Variants in SNX17 observed in about 807,000 individuals in gnomAD.
The protein encoded by SNX17 is sorting nexin 17.
A neutral mutation model predicts 64.3 loss-of-function variants in SNX17; 35 were observed. The observed-to-expected ratio is 0.54, with a 90% CI of 0.42 to 0.72. The LOEUF is 0.72. SNX17 is among the 30% of genes least tolerant of loss of function. The pLI is 0.00. For synonymous variants in SNX17, 259 were observed against 230.2 expected (o/e 1.13, Z -1.13); for missense variants, 538 against 610.0 (o/e 0.88, Z 1.24).
At position 27,376,100 on chromosome 2, in the gene SNX17, C is replaced by T. The variant is rs371262646; in HGVS notation, c.1105-6C>T. On this transcript the variant is annotated splice_region_variant and splice_polypyrimidine_tract_variant and intron_variant, in intron 11 of 14. Coordinates refer to ENST00000233575, the MANE Select transcript of SNX17 (RefSeq NM_014748.4). The stretch of plus-strand genomic sequence containing the variant: ...TCATCAAGCTGGACACTCTTCTTGC[C>T]CTCAGGCTATCATGATGAGCATCTG... The T allele has an allele frequency of 1.2e-6, 2 of 1,614,124 alleles. No homozygotes were observed. The highest frequency in any genetic ancestry group is 1.1e-5 in the South Asian group (1 of 91,078).
At chr2:27,372,087 T>TAGAG (rs1390797435) in intron 2 of SNX17, among the ~76,000 whole-genome samples, 10 of 152,184 alleles carry the variant, frequency 6.6e-5, no homozygotes, top group African/African-American at 2.2e-4. Flanking sequence ...TTTCACTATG[T>TAGAG]TGGCCAGGCT....
At chr2:27,376,281 T>C in intron 12 of SNX17, 32 bp from the exon 13 acceptor site, 1 of 1,611,894 alleles carries the variant, frequency 6.2e-7, no homozygotes, top group Non-Finnish European at 8.5e-7. Flanking sequence ...GAAGTGATCC[T>C]GCCCTCACCG....
chr2:27,373,598 G>A (rs1488767475), intron 4 of SNX17, among the ~76,000 whole-genome samples: 1 of 152,168 alleles, frequency 6.6e-6, no homozygotes, highest in Admixed American at 6.5e-5. Context: ...CCTGACCTCA[G>A]GTGATCCACC....
At chr2:27,372,094 GGCT>G (rs1302157152) in intron 2 of SNX17, among the ~76,000 whole-genome samples, 10 of 152,188 alleles carry the variant, frequency 6.6e-5, no homozygotes, top group African/African-American at 2.2e-4. Context: ...ATGTTGGCCA[GGCT>G]GGTCTCAAAC....
intron 7 of SNX17, 108 bp downstream of exon 7, chr2:27,374,541 T>C: frequency 3.2e-6 from 4 of 1,262,818 alleles, no homozygotes; most frequent in Non-Finnish European, 4.6e-6. Context: ...TAGTGCTGGG[T>C]GTTTCTGCCA....
Position 27,373,909 on chromosome 2 carries a change from A to G in SNX17, c.370A>G (p.Ser124Gly), listed in dbSNP as rs1370010594. ...TEEVSLEVLL[S>G]NGQKVLVNVL... The stretch of plus-strand genomic sequence containing the variant: ...GGAAGTGTCCTTGGAAGTGCTGCTC[A>G]GCAACGGGCAGAAAGTTCTGGTCAA... Residue 124 changes from serine to glycine, a missense_variant, in exon 5 of 15, where the codon AGC (serine) becomes GGC (glycine). Physicochemically the swap from Ser to Gly is moderately conservative, Grantham distance 56. Transcript: ENST00000233575. 7 of 1,614,054 alleles carry G rather than the reference A, an allele frequency of 4.3e-6. No homozygotes were observed. The highest frequency in any genetic ancestry group is 2.7e-5 in the African/African-American group (2 of 74,942).
At chr2:27,374,660 T>C (rs768130868) in intron 7 of SNX17, 29 bp from the exon 8 acceptor site, 1 of 1,609,712 alleles carries the variant, frequency 6.2e-7, no homozygotes, top group Admixed American at 1.7e-5. Flanking sequence ...CTTAGCCCCA[T>C]TACCCCTTTC....
Position 27,375,289 on chromosome 2 carries a change from C to A in SNX17, c.774+136C>A. The A allele has an allele frequency of 1.1e-6, 1 of 901,634 alleles. No individual in the cohort carries two copies. The highest frequency in any genetic ancestry group is 1.7e-6 in the Non-Finnish European group (1 of 591,136). The allele number at this position is 901,634 out of a possible 1,614,324, so 55.9% of individuals were successfully genotyped here. A position where few individuals can be genotyped will look rare whatever the true frequency, so the allele number is the denominator to read the frequency against. ...GAGTAGCTGGGACTACAGGCACCCG[C>A]CACGACGCCCGGCTAATTTTTTGTA... On this transcript the variant is annotated intron_variant, in intron 9 of 14. Transcript: ENST00000233575. The surrounding 1 kb of genome is among the most constrained non-coding windows in gnomAD (Gnocchi z 4.1).
intron 2 of SNX17, among the ~76,000 whole-genome samples, chr2:27,372,088 T>A (rs917164294): frequency 6.6e-5 from 10 of 152,180 alleles, no homozygotes; most frequent in African/African-American, 2.2e-4. Flanking sequence ...TTCACTATGT[T>A]GGCCAGGCTG....
chr2:27,370,855 G>C (rs561712098), intron 1 of SNX17, 49 bp downstream of exon 1: 1 of 1,521,256 alleles, frequency 6.6e-7, no homozygotes, highest in Non-Finnish European at 8.8e-7. Flanking sequence ...CGGGGATAAC[G>C]GGCCCGAGCC....
rs1683315784 is a variant in SNX17 at position 27,376,989 on chromosome 2, GC to G, written c.*272del. The G allele has an allele frequency of 2.1e-6, 1 of 474,568 alleles. No individual in the cohort carries two copies. Among genetic ancestry groups the G allele is most frequent in the South Asian group, 2.2e-5 (1 of 45,884 alleles). 29.4% of individuals were successfully genotyped at this position (474,568 alleles called of 1,614,324 possible). A position where few individuals can be genotyped will look rare whatever the true frequency, so the allele number is the denominator to read the frequency against. ...AAAGTCTAAGGGACCATGGCTGCCT[GC>G]CTTGGGGAGGAACCATATCTCCCTC... is the stretch of plus-strand genomic sequence containing the variant. On this transcript the variant is annotated 3_prime_UTR_variant, in exon 15 of 15. Coordinates refer to ENST00000233575, the MANE Select transcript of SNX17 (RefSeq NM_014748.4).
intron 11 of SNX17, 37 bp downstream of exon 11, chr2:27,376,008 T>TG: frequency 6.2e-7 from 1 of 1,613,668 alleles, no homozygotes; most frequent in Non-Finnish European, 8.5e-7. Context: ...TGGAGCACCT[T>TG]AAAGTGTAGA....
chr2:27,372,627 G>C lies in SNX17; in HGVS notation c.143G>C (p.Arg48Pro), dbSNP rs1340190010. ...TGTATCTCTTTCTCTAAATAGCTTC[G>C]GAAGGAGTATGGGGCCAATGTGCTT... Reference protein sequence around the residue: ...SQLLGLHEQLRKEYGANVLPA... With the variant: ...SQLLGLHEQLPKEYGANVLPA... The change falls in exon 3 of 15, where the codon CGG (arginine) becomes CCG (proline). Residue 48 changes from arginine (R) to proline (P), a missense_variant. Transcript: ENST00000233575. 6 of 1,614,148 alleles carry C rather than the reference G, an allele frequency of 3.7e-6. No homozygotes were observed. The highest frequency in any genetic ancestry group is 4.2e-6 in the Non-Finnish European group (5 of 1,180,014).
At position 27,375,414 on chromosome 2, in the gene SNX17, A is replaced by G; in HGVS notation, c.775-92A>G. The G allele has an allele frequency of 7.5e-7, 1 of 1,333,208 alleles. No individual in the cohort carries two copies. The highest frequency in any genetic ancestry group is 1.1e-6 in the Non-Finnish European group (1 of 939,898). 82.6% of individuals were successfully genotyped at this position (1,333,208 alleles called of 1,614,324 possible). The stretch of plus-strand genomic sequence containing the variant: ...CTGCCTCCTAAAGTGCTGGGATTAT[A>G]GGCATGAGCCACCGCGCCCGACCGG... On this transcript the variant is annotated intron_variant, in intron 9 of 14. Transcript: ENST00000233575. This position sits in a 1 kb window ranked among gnomAD's most constrained non-coding sequence, Gnocchi z 4.1.
chr2:27,371,456 T>C, intron 2 of SNX17, 113 bp downstream of exon 2: 2 of 1,453,682 alleles, frequency 1.4e-6, no homozygotes, highest in Non-Finnish European at 1.8e-6. Context: ...TCCCCTTTAA[T>C]CACTGCCACA....
chr2:27,370,644 G>A lies in SNX17; in HGVS notation c.-100G>A, dbSNP rs779801080. ...CGGATCGCAGGGCTCCCAAAATGGC[G>A]AGTGAGGCTGCGGGGACTCGCTGAG... On this transcript the variant is annotated 5_prime_UTR_variant, in exon 1 of 15. Coordinates refer to ENST00000233575, the MANE Select transcript of SNX17 (RefSeq NM_014748.4). 4.1e-4 allele frequency: 594 copies of A among 1,462,484 alleles called. No individual in the cohort carries two copies. The highest frequency in any genetic ancestry group is 5.2e-4 in the Non-Finnish European group (570 of 1,105,256). 90.6% of individuals were successfully genotyped at this position (1,462,484 alleles called of 1,614,324 possible).
At position 27,373,247 on chromosome 2, in the gene SNX17, T is replaced by C. The variant is rs748007161; in HGVS notation, c.257T>C (p.Val86Ala). 3.2e-5 allele frequency: 52 copies of C among 1,614,090 alleles called. No homozygotes were observed. Among genetic ancestry groups the C allele is most frequent in the Non-Finnish European group, 4.4e-5 (52 of 1,180,024 alleles). The change falls in exon 4 of 15, where the codon GTT becomes GCT. Residue 86 changes from valine to alanine, a missense_variant and splice_region_variant. Transcript: ENST00000233575. ...REQLEKYMQAVRQDPLLGSSE... is the reference protein window; with the variant it reads ...REQLEKYMQAARQDPLLGSSE... ...TAATAATGTTCTCTTGTCCTCGTAG[T>C]TCGGCAAGACCCATTGCTTGGGAGC...
intron 8 of SNX17, 123 bp from the exon 9 acceptor site, chr2:27,374,938 C>G (rs869069095): frequency 9.0e-6 from 9 of 996,442 alleles, no homozygotes; most frequent in Non-Finnish European, 1.4e-5. Flanking sequence ...AGATCAAGGA[C>G]TTACTGCAGA....
In SNX17 at chr2:27,375,141, C is replaced by T; in HGVS notation, c.762C>T (p.Val254=). ...AACTCAAATCTCTGCAAGAGAAAGT[C>T]TCCAAGAAGGAGGTGAGCCCTGCCT... is the stretch of plus-strand genomic sequence containing the variant. ...HRQLKSLQEK[V]SKKEFLRLAQ... Residue 254 remains valine (V), a synonymous_variant, in exon 9 of 15, where the codon GTC becomes GTT. Transcript: ENST00000233575. The surrounding 1 kb of genome is among the most constrained non-coding windows in gnomAD (Gnocchi z 4.1). 7 of 1,614,116 alleles carry T rather than the reference C, an allele frequency of 4.3e-6. No homozygotes were observed. The highest frequency in any genetic ancestry group is 5.9e-6 in the Non-Finnish European group (7 of 1,180,004).
Sources: gnomAD v4.1 joint callset for allele counts (sites outside exome capture counted in the v4.1 genomes callset) on GRCh38, gnomAD v4.1.1 for gene constraint, Gnocchi (gnomAD v3.1) non-coding constraint, MANE v1.5 for transcripts, NCBI Gene and HGNC (gene_info 2026-07-23, HGNC 2026-07-21) for gene names.